SEMA3D: variants seen among roughly 807,000 people sequenced by gnomAD.
The protein encoded by SEMA3D is semaphorin 3D.
In SEMA3D, 84 loss-of-function variants were observed where a neutral mutation model predicts 100.1. That is an observed-to-expected ratio of 0.84 (90% confidence interval 0.70 to 1.01). The LOEUF (loss-of-function observed/expected upper bound fraction) is 1.01. Ranked by LOEUF, SEMA3D falls within the 50% of genes least tolerant of loss-of-function variation. The pLI is 0.00. For synonymous variants in SEMA3D, 312 were observed against 320.7 expected, an observed-to-expected ratio of 0.97 and a Z score of 0.29; for missense variants, 875 against 934.1, an observed-to-expected ratio of 0.94 and a Z score of 0.82.
At chr7:85,151,372 G>T (rs1374590970) in intron 2 of SEMA3D, among the ~76,000 whole-genome samples, 2 of 151,834 alleles carry the variant, frequency 1.3e-5, no homozygotes, top group Non-Finnish European at 2.9e-5. Flanking sequence ...ATGTATAGAA[G>T]ATTTCTGGAA....
At chr7:85,222,664 C>T in the SEMA3D span, among the ~76,000 whole-genome samples, 5 of 152,070 alleles carry the variant, frequency 3.3e-5, no homozygotes, top group Non-Finnish European at 7.4e-5. Context: ...TTCACAGAAA[C>T]GAAGGCATTG....
In SEMA3D at chr7:85,040,715, T is replaced by G; in HGVS notation, c.1004A>C (p.Asp335Ala). 1.4e-6 allele frequency: 2 copies of G among 1,469,930 alleles called. No homozygotes were observed. The highest frequency in any genetic ancestry group is 1.9e-6 in the Non-Finnish European group (2 of 1,051,742). 91.1% of individuals were successfully genotyped at this position (1,469,930 alleles called of 1,614,324 possible). A position where few individuals can be genotyped will look rare whatever the true frequency, so the allele number is the denominator to read the frequency against. Residue 335 changes from aspartate to alanine, a missense_variant, in exon 11 of 19, where the codon GAT (aspartate) becomes GCT (alanine). Coordinates refer to ENST00000284136, the MANE Select transcript of SEMA3D (RefSeq NM_001384900.1). ...TCCATATACTACAGGATTTCTTTCA[T>G]CTCTTGTGGGGAGTAAATAAATATC... ...LQDIYLLPTRDERNPVVYGVF... is the reference protein window; with the variant it reads ...LQDIYLLPTRAERNPVVYGVF...
At chr7:85,193,216 G>A in the SEMA3D span, among the ~76,000 whole-genome samples, 1 of 152,110 alleles carries the variant, frequency 6.6e-6, no homozygotes, top group African/African-American at 2.4e-5. Context: ...AAAATCACAG[G>A]AACTTTCTTC....
intron 18 of SEMA3D, among the ~76,000 whole-genome samples, chr7:85,002,982 G>T (rs1789695339): frequency 1.3e-5 from 2 of 151,998 alleles, no homozygotes; most frequent in Admixed American, 1.3e-4. Flanking sequence ...GAAGAGATCA[G>T]GGCTTCAAAA....
At chr7:85,183,555 A>C (rs1012610505) in intron 1 of SEMA3D, among the ~76,000 whole-genome samples, 2 of 152,108 alleles carry the variant, frequency 1.3e-5, no homozygotes, top group African/African-American at 2.4e-5. Context: ...CACGCTTACT[A>C]GTCTTCCCCA....
Position 85,081,552 on chromosome 7 carries a change from C to T in SEMA3D, c.340G>A (p.Val114Met). 6.2e-6 allele frequency: 10 copies of T among 1,612,300 alleles called. No homozygotes were observed. Among genetic ancestry groups the T allele is most frequent in the Non-Finnish European group, 8.5e-6 (10 of 1,178,604 alleles). Residue 114 changes from valine to methionine, a missense_variant, in exon 5 of 19, where the codon GTG (valine) becomes ATG (methionine). By Grantham distance (21) the Val-to-Met change is conservative. Transcript: ENST00000284136. The stretch of plus-strand genomic sequence containing the variant: ...TTCCCAGCTAATTTACATAATTCCA[C>T]CCGTTCCTTTGCAGCAGGCCAATAA... ...KIYWPAAKER[V>M]ELCKLAGKDA...
intron 1 of SEMA3D, among the ~76,000 whole-genome samples, chr7:85,171,895 A>G (rs1791092909): frequency 6.6e-6 from 1 of 151,902 alleles, no homozygotes; most frequent in African/African-American, 2.4e-5. Context: ...TTGCTCTAAC[A>G]AAATTATCCT....
chr7:85,225,065 TATATATATATATA>T, the SEMA3D span, among the ~76,000 whole-genome samples: 1 of 4,314 alleles, frequency 2.3e-4, no homozygotes, highest in East Asian at 3.5e-3. Flanking sequence ...TATATATATA[TATATATATATATA>T]TATATATATA....
At chr7:85,198,354 C>T in the SEMA3D span, among the ~76,000 whole-genome samples, 1 of 151,696 alleles carries the variant, frequency 6.6e-6, no homozygotes, top group Non-Finnish European at 1.5e-5. Flanking sequence ...CTTATTGATT[C>T]TTGTGTGTTA....
At chr7:85,168,485 CA>C (rs1357574340) in intron 1 of SEMA3D, among the ~76,000 whole-genome samples, 1 of 151,548 alleles carries the variant, frequency 6.6e-6, no homozygotes, top group East Asian at 1.9e-4. Flanking sequence ...CACTAAGAAG[CA>C]AAAAGTTTAC....
At chr7:85,155,369 G>C (rs531035787) in intron 1 of SEMA3D, among the ~76,000 whole-genome samples, 7 of 152,216 alleles carry the variant, frequency 4.6e-5, no homozygotes, top group East Asian at 1.9e-4. Flanking sequence ...TTGGATGCTA[G>C]TTACTTATCC....
At chr7:85,243,740 A>G in the SEMA3D span, among the ~76,000 whole-genome samples, 2 of 152,196 alleles carry the variant, frequency 1.3e-5, no homozygotes, top group Non-Finnish European at 2.9e-5. Context: ...AATGTTTTTA[A>G]TATTTGACTT....
intron 4 of SEMA3D, among the ~76,000 whole-genome samples, chr7:85,091,617 T>C (rs999186940): frequency 6.6e-6 from 1 of 152,016 alleles, no homozygotes; most frequent in African/African-American, 2.4e-5. Flanking sequence ...TAGGACTACT[T>C]AAGGCTGGCT....
chr7:85,085,100 T>C (rs902705356), intron 4 of SEMA3D, among the ~76,000 whole-genome samples: 4 of 152,186 alleles, frequency 2.6e-5, no homozygotes, highest in African/African-American at 9.7e-5. Flanking sequence ...TAATATTTCT[T>C]TGAATCATTT....
intron 7 of SEMA3D, among the ~76,000 whole-genome samples, chr7:85,066,679 T>C (rs146419280): frequency 6.6e-6 from 1 of 152,244 alleles, no homozygotes; most frequent in South Asian, 2.1e-4. Flanking sequence ...TTAGACTTTA[T>C]AAATGCCTAA....
intron 2 of SEMA3D, among the ~76,000 whole-genome samples, chr7:85,122,571 T>C (rs1789459856): frequency 6.6e-6 from 1 of 152,210 alleles, no homozygotes; most frequent in South Asian, 2.1e-4. Context: ...TAGAAGCCTA[T>C]ACGTGCCCCA....
chr7:85,101,028 TA>T (rs1247071468), intron 3 of SEMA3D, among the ~76,000 whole-genome samples: 4 of 152,004 alleles, frequency 2.6e-5, no homozygotes, highest in Non-Finnish European at 4.4e-5. Context: ...TGGTGTAATA[TA>T]TTTTAGCAGT....
intron 8 of SEMA3D, 56 bp from the exon 9 acceptor site, chr7:85,055,915 A>G (rs1350313916): frequency 4.1e-6 from 4 of 975,278 alleles, no homozygotes; most frequent in African/African-American, 3.4e-5. Context: ...CAGTCATCAT[A>G]GTTTGATGAT....
At chr7:85,208,492 T>C in the SEMA3D span, among the ~76,000 whole-genome samples, 1 of 152,118 alleles carries the variant, frequency 6.6e-6, no homozygotes, top group African/African-American at 2.4e-5. Context: ...TCTTGTTTTC[T>C]AGAAATTCAT....
Sources: gnomAD v4.1 joint callset for allele counts (sites outside exome capture counted in the v4.1 genomes callset) on GRCh38, gnomAD v4.1.1 for gene constraint, MANE v1.5 for transcripts, NCBI Gene and HGNC (gene_info 2026-07-23, HGNC 2026-07-21) for gene names.